Variants in GNL3L observed in about 807,000 individuals in gnomAD.
The protein encoded by GNL3L is G protein nucleolar 3 like.
A neutral mutation model predicts 42.9 loss-of-function variants in GNL3L; 4 were observed. That is an observed-to-expected ratio of 0.09 (90% CI 0.05 to 0.21). The LOEUF is 0.21. Among genes scored for constraint, GNL3L ranks in the 10% least tolerant of loss-of-function variants. The pLI, the probability that GNL3L is intolerant of heterozygous loss-of-function variation, is 1.00. For synonymous variants in GNL3L, 159 were observed against 176.3 expected (o/e 0.90, Z 0.78); for missense variants, 412 against 481.7 (o/e 0.86, Z 1.36).
At chrX:54,590,103 C>T (rs1015706792) in intron 16 of GNL3L, among the ~76,000 whole-genome samples, 2 of 110,890 alleles carry the variant, frequency 1.8e-5, no homozygotes, top group African/African-American at 6.6e-5. Context: ...CCATGCCCAG[C>T]TAATTTTTGT....
chrX:54,580,571 CCA>C (rs1327307184), intron 16 of GNL3L, among the ~76,000 whole-genome samples: 1 of 110,657 alleles, frequency 9.0e-6, no homozygotes, highest in Non-Finnish European at 1.9e-5. Flanking sequence ...TGAGGAGTCG[CCA>C]CAGTGACTTC....
chrX:54,557,982 C>T (rs1382319670), intron 14 of GNL3L, among the ~76,000 whole-genome samples: 1 of 110,762 alleles, frequency 9.0e-6, no homozygotes, highest in East Asian at 2.9e-4. Context: ...CTCCCAGGTT[C>T]AAGCGATTCT....
chrX:54,565,746 A>T lies in GNL3L; in HGVS notation c.*5144A>T, dbSNP rs922253205. 9.1e-6 allele frequency among the ~76,000 whole-genome samples: 1 copy of T among 110,153 alleles called. No homozygotes were observed. Among genetic ancestry groups the T allele is most frequent in the Non-Finnish European group, 1.9e-5 (1 of 52,846 alleles). ...TGCTATCTACATATCTTCTTTGGCA[A>T]GGTGTTCACATCTCTTGCATATTTT... On this transcript the variant is annotated 3_prime_UTR_variant, in exon 16 of 16. Coordinates refer to ENST00000360845, the MANE Select transcript of GNL3L (RefSeq NM_001184819.2).
rs375063176 is a variant in GNL3L, at chrX:54,544,342, G to T, written c.630+16G>T. 211 of 928,995 alleles carry T rather than the reference G, an allele frequency of 2.3e-4. No homozygotes were observed. Among genetic ancestry groups the T allele is most frequent in the Non-Finnish European group, 3.0e-4 (196 of 644,079 alleles). 76.6% of individuals were successfully genotyped at this position (928,995 alleles called of 1,213,427 possible). On this transcript the variant is annotated intron_variant, in intron 8 of 15. Transcript: ENST00000360845. ...CAAAAACCTGGTAAGCCTGGGGCTA[G>T]GGTCATCTAGCCGCTTTCAGGGTAG... is the stretch of plus-strand genomic sequence containing the variant.
At chrX:54,542,854 A>G in intron 5 of GNL3L, 101 bp from the exon 6 acceptor site, 1 of 491,111 alleles carries the variant, frequency 2.0e-6, no homozygotes, top group Non-Finnish European at 3.6e-6. Flanking sequence ...GCCAGGACTC[A>G]CATGATTTTT....
chrX:54,639,466 A>T, the GNL3L span, among the ~76,000 whole-genome samples: 1 of 111,971 alleles, frequency 8.9e-6, no homozygotes, highest in South Asian at 3.8e-4. Flanking sequence ...TTGGGACTAG[A>T]CGCTCACGGG....
At position 54,565,701 on chromosome X, in the gene GNL3L, G is replaced by A. The variant is rs1381199516; in HGVS notation, c.*5099G>A. Among the ~76,000 whole-genome samples, 1 of 109,825 alleles carries A rather than the reference G, an allele frequency of 9.1e-6. No homozygotes were observed. The highest frequency in any genetic ancestry group is 1.9e-5 in the Non-Finnish European group (1 of 52,682). ...TTATTTGCATCCTCTAATGATTTGA[G>A]CATATTTTATATGCTTATTTGCTAT... is the stretch of plus-strand genomic sequence containing the variant. On this transcript the variant is annotated 3_prime_UTR_variant, in exon 16 of 16. Coordinates refer to ENST00000360845, the MANE Select transcript of GNL3L (RefSeq NM_001184819.2).
At chrX:54,623,020 A>G (rs924799155), downstream of GNL3L, among the ~76,000 whole-genome samples, 9 of 111,702 alleles carry the variant, frequency 8.1e-5, no homozygotes, top group African/African-American at 2.6e-4. Flanking sequence ...TCAACAATCA[A>G]TTGGTCATAG....
Position 54,607,133 on chromosome X carries a change from CTTTCTTTG to C in GNL3L, c.*46-13710_*46-13703del, listed in dbSNP as rs1433509259. Among the ~76,000 whole-genome samples, 42 of 79,316 alleles carry C rather than the reference CTTTCTTTG, an allele frequency of 5.3e-4. 1 individual carries two copies. The highest frequency in any genetic ancestry group is 2.3e-3 in the African/African-American group (41 of 17,930). 68.9% of individuals were successfully genotyped at this position (79,316 alleles called of 115,157 possible). ...TCTTTCTTTCTTTCTTTCTTTCTTT[CTTTCTTTG>C]TCTCTCTCTCTCTCTCTTTCTTTCT... On this transcript the variant is annotated intron_variant, in intron 16 of 16. Coordinates refer to the GNL3L transcript ENST00000674498.
At chrX:54,640,747 G>A in the GNL3L span, among the ~76,000 whole-genome samples, 1 of 112,281 alleles carries the variant, frequency 8.9e-6, no homozygotes, top group African/African-American at 3.2e-5. Context: ...GATCATACCC[G>A]TTGACATCAG....
At chrX:54,621,076 A>G (rs1253127116) in exon 17 of GNL3L, among the ~76,000 whole-genome samples, 1 of 112,201 alleles carries the variant, frequency 8.9e-6, no homozygotes, top group Non-Finnish European at 1.9e-5. Context: ...CTCATCCCAC[A>G]TACTTTAATA....
At chrX:54,571,430 C>T (rs746092926), downstream of GNL3L, among the ~76,000 whole-genome samples, 19 of 107,104 alleles carry the variant, frequency 1.8e-4, no homozygotes, top group South Asian at 1.7e-3. Context: ...CTCCTGACCT[C>T]GTGATCCATC....
At chrX:54,546,343 A>G (rs905879163) in intron 8 of GNL3L, among the ~76,000 whole-genome samples, 1 of 111,351 alleles carries the variant, frequency 9.0e-6, no homozygotes, top group Non-Finnish European at 1.9e-5. Context: ...TTTTATCGTT[A>G]TAACCTGGGC....
chrX:54,561,237 T>C lies in GNL3L; in HGVS notation c.*635T>C, dbSNP rs1293341731. Reference sequence around the variant, plus strand: ...CTACAAAACTCTGCCTACAAAACTCTCTTAGACAGGTGAATATGCCACTAG... The same window carrying C: ...CTACAAAACTCTGCCTACAAAACTCCCTTAGACAGGTGAATATGCCACTAG... On this transcript the variant is annotated 3_prime_UTR_variant, in exon 16 of 16. Coordinates refer to ENST00000360845, the MANE Select transcript of GNL3L (RefSeq NM_001184819.2). 9.0e-6 allele frequency among the ~76,000 whole-genome samples: 1 copy of C among 111,709 alleles called. No homozygotes were observed. Among genetic ancestry groups the C allele is most frequent in the Admixed American group, 9.5e-5 (1 of 10,509 alleles).
Position 54,551,932 on chromosome X carries a change from G to A in GNL3L, c.1139G>A (p.Ser380Asn), listed in dbSNP as rs762098469. 66 of 1,210,695 alleles carry A rather than the reference G, an allele frequency of 5.5e-5. No individual in the cohort carries two copies. The highest frequency in any genetic ancestry group is 6.9e-5 in the Non-Finnish European group (62 of 895,255). The part of the protein sequence containing the change: ...LGKKKKGGLY[S>N]QEQAAKAVLA... ...AAGAAGAAGAAGGGAGGCTTATATAGTCAGGAACAGGCGGCCAAAGCTGTC... is the reference window on the plus strand; with the variant it reads ...AAGAAGAAGAAGGGAGGCTTATATAATCAGGAACAGGCGGCCAAAGCTGTC... Residue 380 changes from serine to asparagine, a missense_variant, in exon 12 of 16, where the codon AGT becomes AAT. Ser to Asn is a conservative substitution (Grantham distance 46). Coordinates refer to ENST00000360845, the MANE Select transcript of GNL3L (RefSeq NM_001184819.2).
intron 14 of GNL3L, among the ~76,000 whole-genome samples, chrX:54,557,725 T>C (rs5961088): frequency 0.15 from 16,337 of 110,133 alleles, 1,999 homozygotes; most frequent in African/African-American, 0.4. Flanking sequence ...TGAGCCACCA[T>C]GCCCAGCCTC....
chrX:54,613,563 GCT>G (rs35055934), intron 16 of GNL3L, among the ~76,000 whole-genome samples: 13,209 of 110,316 alleles, frequency 0.12, 784 homozygotes, highest in East Asian at 0.39. Context: ...ATTTGGGTAG[GCT>G]CTGTTAGAGG....
chrX:54,624,054 G>A (rs150018346), downstream of GNL3L, among the ~76,000 whole-genome samples: 83 of 111,192 alleles, frequency 7.5e-4, 2 homozygotes, highest in African/African-American at 2.6e-3. Context: ...CTGAGTAGCC[G>A]GGATCACAGG....
rs775669563 is a variant in GNL3L, at chrX:54,535,060, G to A, written c.19+2475G>A. On this transcript the variant is annotated intron_variant, in intron 2 of 15. Coordinates refer to ENST00000360845, the MANE Select transcript of GNL3L (RefSeq NM_001184819.2). ...ATTTAAACTGTGTTTATTTAAATTC[G>A]ACCCATTCACATTTGTTATGAGACG... Among the ~76,000 whole-genome samples, 4 of 111,754 alleles carry A rather than the reference G, an allele frequency of 3.6e-5. No individual in the cohort carries two copies. The South Asian group carries it at 1.5e-3, about 41-fold the overall frequency.
Sources: gnomAD v4.1 joint callset for allele counts (sites outside exome capture counted in the v4.1 genomes callset) on GRCh38, gnomAD v4.1.1 for gene constraint, MANE v1.5 for transcripts, NCBI Gene and HGNC (gene_info 2026-07-23, HGNC 2026-07-21) for gene names.